The following HACE1 variants were observed in gnomAD, a reference collection of about 807,000 sequenced individuals.
HACE1 encodes the protein HECT domain and ankyrin repeat containing E3 ubiquitin protein ligase 1.
In HACE1, 73 loss-of-function variants were observed where a neutral mutation model predicts 118.4. The observed-to-expected ratio is 0.62, with a 90% confidence interval of 0.51 to 0.75. The LOEUF (loss-of-function observed/expected upper bound fraction) is 0.75. Ranked by LOEUF, HACE1 falls within the 30% of genes least tolerant of loss-of-function variation. The pLI is 0.00. For missense variants in HACE1, 749 were observed against 1,102.2 expected (o/e 0.68, Z 4.54); for synonymous variants, 368 against 374.8 (o/e 0.98, Z 0.21).
intron 6 of HACE1, among the ~76,000 whole-genome samples, chr6:104,822,582 C>T (rs920550788): frequency 2.0e-5 from 3 of 151,772 alleles, no homozygotes; most frequent in Non-Finnish European, 4.4e-5. Flanking sequence ...GTAGGCCGAG[C>T]GCGGTGGCTC....
At chr6:104,778,234 T>C (rs1781405056) in intron 14 of HACE1, among the ~76,000 whole-genome samples, 1 of 152,212 alleles carries the variant, frequency 6.6e-6, no homozygotes, top group African/African-American at 2.4e-5. Context: ...GTGAGTTATC[T>C]ACAATTTTTG....
chr6:104,759,463 G>C (rs1041308636), intron 19 of HACE1, among the ~76,000 whole-genome samples: 3 of 152,114 alleles, frequency 2.0e-5, no homozygotes, highest in African/African-American at 4.8e-5. Flanking sequence ...GGTAAATAAC[G>C]AAAGTAAGTC....
In HACE1 at chr6:104,852,908, A is replaced by T. The variant is rs528557985; in HGVS notation, c.77-537T>A. Reference sequence around the variant, plus strand: ...TCTTGTCAATATTATTACAAAAGAAATTAGTTTAGAAGCTTTTATGAAAGA... The same window carrying T: ...TCTTGTCAATATTATTACAAAAGAATTTAGTTTAGAAGCTTTTATGAAAGA... On this transcript the variant is annotated intron_variant, in intron 1 of 23. Transcript: ENST00000262903. Among the ~76,000 whole-genome samples the T allele has an allele frequency of 8.3e-4, 127 of 152,348 alleles. 1 individual carries two copies. Among genetic ancestry groups the T allele is most frequent in the South Asian group, 4.3e-3 (21 of 4,832 alleles).
intron 17 of HACE1, among the ~76,000 whole-genome samples, chr6:104,774,080 C>CTTTTTT (rs540039211): frequency 1.3e-5 from 1 of 74,844 alleles, no homozygotes; most frequent in African/African-American, 8.0e-5. Flanking sequence ...CATCTTTTCT[C>CTTTTTT]TTTTTTTTTT....
chr6:104,748,546 C>A (rs1026127161), intron 20 of HACE1, among the ~76,000 whole-genome samples: 1 of 152,122 alleles, frequency 6.6e-6, no homozygotes, highest in Non-Finnish European at 1.5e-5. Context: ...GGGGTACATG[C>A]ACAGCCTATG....
chr6:104,736,083 T>A (rs1347308865), intron 22 of HACE1, among the ~76,000 whole-genome samples: 1 of 151,788 alleles, frequency 6.6e-6, no homozygotes, highest in Non-Finnish European at 1.5e-5. Context: ...GTGGTTTTTT[T>A]TCTCCTATCT....
Position 104,815,502 on chromosome 6 carries a change from T to C in HACE1, c.535-4109A>G, listed in dbSNP as rs533338161. On this transcript the variant is annotated intron_variant, in intron 6 of 23. Coordinates refer to ENST00000262903, the MANE Select transcript of HACE1 (RefSeq NM_020771.4). ...CCCGCCTCCCAGGTAGCTGGGATTA[T>C]AGGCGTGCGCCACCACACCCAGCTA... 1.0e-3 allele frequency among the ~76,000 whole-genome samples: 136 copies of C among 136,332 alleles called. 24 individuals are homozygous for C. Among genetic ancestry groups the C allele is most frequent in the African/African-American group, 3.6e-3 (122 of 33,844 alleles). The allele number at this position is 136,332 out of a possible 152,430, so 89.4% of individuals were successfully genotyped here. A position where few individuals can be genotyped will look rare whatever the true frequency, so the allele number is the denominator to read the frequency against.
chr6:104,764,782 AT>A (rs746938746), intron 19 of HACE1, among the ~76,000 whole-genome samples: 4 of 152,152 alleles, frequency 2.6e-5, no homozygotes, highest in Admixed American at 2.6e-4. Context: ...CTGAAGGTAT[AT>A]TTTTTTGCAT....
intron 5 of HACE1, among the ~76,000 whole-genome samples, chr6:104,837,974 A>G (rs1774713485): frequency 6.6e-6 from 1 of 152,182 alleles, no homozygotes; most frequent in Non-Finnish European, 1.5e-5. Flanking sequence ...GCTACAAATA[A>G]AATAAAATAC....
intron 5 of HACE1, among the ~76,000 whole-genome samples, chr6:104,835,752 A>G (rs1175977930): frequency 1.3e-5 from 2 of 152,224 alleles, no homozygotes; most frequent in Non-Finnish European, 2.9e-5. Flanking sequence ...TGGATAAAAT[A>G]AATCCAAAGC....
At chr6:104,747,546 C>T (rs1777560613) in intron 20 of HACE1, among the ~76,000 whole-genome samples, 1 of 151,916 alleles carries the variant, frequency 6.6e-6, no homozygotes, top group Non-Finnish European at 1.5e-5. Flanking sequence ...CAAAGTCACA[C>T]AAAAAGTTCT....
intron 7 of HACE1, among the ~76,000 whole-genome samples, chr6:104,809,320 T>C (rs1045677620): frequency 1.3e-5 from 2 of 152,176 alleles, no homozygotes; most frequent in Non-Finnish European, 2.9e-5. Flanking sequence ...CGATCAAAAA[T>C]CTGGGGAACG....
At chr6:104,804,102 C>T (rs1331845819) in intron 7 of HACE1, among the ~76,000 whole-genome samples, 2 of 152,132 alleles carry the variant, frequency 1.3e-5, no homozygotes, top group Non-Finnish European at 2.9e-5. Context: ...CATGAGTGAA[C>T]TCCCATTCAC....
intron 9 of HACE1, 57 bp downstream of exon 9, chr6:104,796,598 T>C (rs1769660324): frequency 2.3e-6 from 2 of 875,752 alleles, no homozygotes; most frequent in African/African-American, 1.6e-5. Context: ...AAATGTCATA[T>C]ATGCTGAGCA....
rs1308574427 is a variant in HACE1 at position 104,777,065 on chromosome 6, C to A, written c.1724G>T (p.Cys575Phe). ...AGCAATCCCTTGCTTTAGCTTTGCA[C>A]AATTTGCTTTTGACACAACTTCACA... ...SSCEVVSKANCAKLKQGIAVR... is the reference protein window; with the variant it reads ...SSCEVVSKANFAKLKQGIAVR... The change falls in exon 16 of 24, where the codon TGT becomes TTT. Residue 575 changes from cysteine (C) to phenylalanine (F), a missense_variant. This residue lies in a region of HACE1 where 195 missense variants were observed against 322.1 expected (regional missense o/e 0.61). Transcript: ENST00000262903. 1.2e-6 allele frequency: 2 copies of A among 1,613,216 alleles called. No individual in the cohort carries two copies. The highest frequency in any genetic ancestry group is 1.7e-6 in the Non-Finnish European group (2 of 1,179,300).
At chr6:104,777,389 C>T (rs1781328721) in intron 14 of HACE1, 72 bp from the exon 15 acceptor site, 1 of 893,804 alleles carries the variant, frequency 1.1e-6, no homozygotes, top group Non-Finnish European at 1.9e-6. Context: ...TACTAGCTTG[C>T]TAAATGCCTT....
intron 5 of HACE1, among the ~76,000 whole-genome samples, chr6:104,834,941 C>T (rs190447643): frequency 6.6e-6 from 1 of 152,340 alleles, no homozygotes; most frequent in African/African-American, 2.4e-5. Flanking sequence ...GGCTTGAAAA[C>T]AGTCTCTAGA....
At chr6:104,735,366 C>T (rs1321667557) in intron 22 of HACE1, among the ~76,000 whole-genome samples, 8 of 152,128 alleles carry the variant, frequency 5.3e-5, no homozygotes, top group South Asian at 4.1e-4. Flanking sequence ...CGGTGGCTCA[C>T]GCCTACATGT....
At chr6:104,760,172 G>C (rs1245097153) in intron 19 of HACE1, among the ~76,000 whole-genome samples, 1 of 152,198 alleles carries the variant, frequency 6.6e-6, no homozygotes, top group Non-Finnish European at 1.5e-5. Flanking sequence ...AATAGAAAAA[G>C]AGGGAATCCT....
Sources: allele counts gnomAD v4.1 joint callset (sites outside exome capture counted in the v4.1 genomes callset), GRCh38; gene constraint gnomAD v4.1.1; regional missense constraint gnomAD v4.1.1; transcripts MANE v1.5; gene names NCBI Gene and HGNC (gene_info 2026-07-23, HGNC 2026-07-21).